Variants in MARK1 observed in about 807,000 individuals in gnomAD.
MARK1 encodes the protein microtubule affinity regulating kinase 1, also known as serine/threonine-protein kinase MARK1.
Under a neutral mutation model 96.3 loss-of-function variants are expected in MARK1, and 40 were observed. That is an observed-to-expected ratio of 0.42 (90% CI 0.32 to 0.54). The LOEUF is 0.54. Ranked by LOEUF, MARK1 falls within the 20% of genes least tolerant of loss-of-function variation. MARK1 has a pLI of 0.16. For synonymous variants in MARK1, 317 were observed against 341.2 expected (o/e 0.93, Z 0.78); for missense variants, 719 against 984.6 (o/e 0.73, Z 3.61).
Position 220,631,050 on chromosome 1 carries a change from C to G in MARK1, c.925C>G (p.Arg309Gly). The change falls in exon 10 of 18, where the codon CGA (arginine) becomes GGA (glycine). Residue 309 changes from arginine to glycine, a missense_variant. By Grantham distance (125) the Arg-to-Gly change is moderately radical (BLOSUM62 -2). Transcript: ENST00000366917. ...TATTTCCTAGCAAATAATGAAAGAT[C>G]GATGGATGAATGTTGGTCATGAAGA... ...RGSLEQIMKD[R>G]WMNVGHEEEE... 3 of 1,610,150 alleles carry G rather than the reference C, an allele frequency of 1.9e-6. No individual in the cohort carries two copies. Among genetic ancestry groups the G allele is most frequent in the Non-Finnish European group, 2.5e-6 (3 of 1,177,042 alleles).
rs1669615577 is a variant in MARK1, at chr1:220,663,991, A to C, written c.*1825A>C. Reference sequence around the variant, plus strand: ...GTATTCTGTATGAGGAGTTTATTGTATGTGTTCTAAATTTAGTTGGCAAAG... The same window carrying C: ...GTATTCTGTATGAGGAGTTTATTGTCTGTGTTCTAAATTTAGTTGGCAAAG... On this transcript the variant is annotated 3_prime_UTR_variant, in exon 18 of 18. Transcript: ENST00000366917. 1 of 152,570 alleles carries C rather than the reference A, an allele frequency of 6.6e-6. No individual in the cohort carries two copies. The allele number at this position is 152,570 out of a possible 1,614,324, so 9.5% of individuals were successfully genotyped here.
At chr1:220,551,579 G>A (rs1366925601) in intron 1 of MARK1, among the ~76,000 whole-genome samples, 1 of 151,964 alleles carries the variant, frequency 6.6e-6, no homozygotes, top group Non-Finnish European at 1.5e-5. Context: ...CTATCTTTAG[G>A]TGATGCTCAT....
At chr1:220,604,186 TACAA>T (rs1665926189) in intron 6 of MARK1, 49 bp downstream of exon 6, 1 of 1,221,740 alleles carries the variant, frequency 8.2e-7, no homozygotes, top group East Asian at 2.4e-5. Flanking sequence ...TGTAGCGATG[TACAA>T]TGGACAGTAT....
chr1:220,552,006 G>A (rs1661896892), intron 1 of MARK1, among the ~76,000 whole-genome samples: 1 of 152,210 alleles, frequency 6.6e-6, no homozygotes, highest in Admixed American at 6.5e-5. Context: ...GGACATGGGA[G>A]TAAGAAGAGG....
chr1:220,572,275 C>T (rs1663522600), intron 1 of MARK1, among the ~76,000 whole-genome samples: 2 of 151,446 alleles, frequency 1.3e-5, no homozygotes, highest in Admixed American at 1.3e-4. Flanking sequence ...GAGTTTCAGT[C>T]TTTTTGCCCA....
At chr1:220,579,222 T>G (rs946082785) in intron 1 of MARK1, 132 bp from the exon 2 acceptor site, 3 of 659,288 alleles carry the variant, frequency 4.6e-6, no homozygotes, top group Non-Finnish European at 7.9e-6. Flanking sequence ...AATAGAATGC[T>G]CAAACTTTAA....
At chr1:220,630,220 G>A (rs774594097) in intron 9 of MARK1, among the ~76,000 whole-genome samples, 3 of 152,136 alleles carry the variant, frequency 2.0e-5, no homozygotes, top group Non-Finnish European at 4.4e-5. Context: ...CACACAGCAA[G>A]CATGCTTGTT....
intron 3 of MARK1, among the ~76,000 whole-genome samples, chr1:220,583,024 A>G (rs570302904): frequency 1.2e-4 from 18 of 152,182 alleles, no homozygotes; most frequent in Non-Finnish European, 2.4e-4. Context: ...TGTTTAGAAC[A>G]TTCAGCATTT....
intron 1 of MARK1, among the ~76,000 whole-genome samples, chr1:220,546,986 AAG>A (rs1661542736): frequency 7.8e-6 from 1 of 128,292 alleles, no homozygotes; most frequent in Non-Finnish European, 1.8e-5. Flanking sequence ...AAAAAAAAAA[AAG>A]AAAAAAGAAA....
intron 1 of MARK1, among the ~76,000 whole-genome samples, chr1:220,539,345 G>C (rs921177329): frequency 6.6e-6 from 1 of 152,014 alleles, no homozygotes; most frequent in Non-Finnish European, 1.5e-5. Context: ...TTTTGTCTTT[G>C]GTTCTGTTTA....
chr1:220,555,291 T>A (rs1662166809), intron 1 of MARK1, among the ~76,000 whole-genome samples: 1 of 152,212 alleles, frequency 6.6e-6, no homozygotes, highest in Non-Finnish European at 1.5e-5. Context: ...CCTATCTGTA[T>A]TAGATATATT....
At position 220,618,018 on chromosome 1, in the gene MARK1, A is replaced by G. The variant is rs1400426013; in HGVS notation, c.553-292A>G. On this transcript the variant is annotated intron_variant, in intron 7 of 17. Transcript: ENST00000366917. This position sits in a 1 kb window ranked among gnomAD's most constrained non-coding sequence, Gnocchi z 4.6. ...AGGATGTTTCTGACTGTGAGGAAAAAAATGAGTTTAAAATAACCTATGAAA... is the reference window on the plus strand; with the variant it reads ...AGGATGTTTCTGACTGTGAGGAAAAGAATGAGTTTAAAATAACCTATGAAA... Among the ~76,000 whole-genome samples, 1 of 152,228 alleles carries G rather than the reference A, an allele frequency of 6.6e-6. No homozygotes were observed. Among genetic ancestry groups the G allele is most frequent in the Non-Finnish European group, 1.5e-5 (1 of 68,034 alleles).
chr1:220,562,175 CA>C (rs1662712544), intron 1 of MARK1, among the ~76,000 whole-genome samples: 1 of 152,090 alleles, frequency 6.6e-6, no homozygotes, highest in African/African-American at 2.4e-5. Flanking sequence ...TTACTATTAA[CA>C]AAAACAGGCC....
At chr1:220,632,609 A>G (rs1667734211) in intron 11 of MARK1, among the ~76,000 whole-genome samples, 1 of 152,202 alleles carries the variant, frequency 6.6e-6, no homozygotes. Context: ...CAGTCCCACC[A>G]AAGGTAATAT....
chr1:220,554,061 A>G (rs985357095), intron 1 of MARK1, among the ~76,000 whole-genome samples: 17 of 152,198 alleles, frequency 1.1e-4, no homozygotes, highest in African/African-American at 4.1e-4. Context: ...AAGGGCCCAG[A>G]TGCAGCAATT....
intron 9 of MARK1, among the ~76,000 whole-genome samples, chr1:220,624,124 C>T (rs1300055014): frequency 6.6e-6 from 1 of 151,506 alleles, no homozygotes; most frequent in African/African-American, 2.4e-5. Flanking sequence ...ATGATGAAAC[C>T]CCGTCTCTAC....
chr1:220,554,672 A>T (rs1662123524), intron 1 of MARK1, among the ~76,000 whole-genome samples: 1 of 152,228 alleles, frequency 6.6e-6, no homozygotes, highest in Non-Finnish European at 1.5e-5. Flanking sequence ...TTCATCAGTC[A>T]CACACCAGGT....
chr1:220,604,182 G>A (rs766667470), intron 6 of MARK1, 45 bp downstream of exon 6: 11 of 1,254,892 alleles, frequency 8.8e-6, no homozygotes, highest in African/African-American at 3.0e-5. Context: ...TAATTGTAGC[G>A]ATGTACAATG....
At chr1:220,644,986 A>G (rs574276422) in intron 13 of MARK1, among the ~76,000 whole-genome samples, 89 of 152,320 alleles carry the variant, frequency 5.8e-4, no homozygotes, top group South Asian at 1.0e-3. Context: ...AAAGATCTCA[A>G]ATCAACACCC....
Sources: allele counts gnomAD v4.1 joint callset (sites outside exome capture counted in the v4.1 genomes callset), GRCh38; gene constraint gnomAD v4.1.1; non-coding constraint Gnocchi (gnomAD v3.1); transcripts MANE v1.5; gene names NCBI Gene and HGNC (gene_info 2026-07-23, HGNC 2026-07-21).